The following SGCZ variants were observed in gnomAD, a reference collection of about 807,000 sequenced individuals.
SGCZ encodes the protein sarcoglycan zeta.
Under a neutral mutation model 41.3 loss-of-function variants are expected in SGCZ, and 40 were observed. That is an observed-to-expected ratio of 0.97 (90% CI 0.75 to 1.26). SGCZ has a LOEUF of 1.26. Among genes scored for constraint, SGCZ ranks in the 50% most tolerant of loss-of-function variants. SGCZ has a pLI of 0.00. For missense variants in SGCZ, 552 were observed against 369.8 expected, an observed-to-expected ratio of 1.49 and a Z score of -4.04; for synonymous variants, 206 against 137.5, an observed-to-expected ratio of 1.50 and a Z score of -3.49.
At chr8:14,382,903 C>T (rs1269544749) in intron 2 of SGCZ, among the ~76,000 whole-genome samples, 1 of 152,156 alleles carries the variant, frequency 6.6e-6, no homozygotes. Context: ...AGCTTTGGTA[C>T]TAGGTATAGT....
At chr8:14,769,226 A>T (rs1347888350) in intron 1 of SGCZ, among the ~76,000 whole-genome samples, 5 of 152,200 alleles carry the variant, frequency 3.3e-5, no homozygotes, top group African/African-American at 1.2e-4. Flanking sequence ...GATGTGAATA[A>T]AAAATAATGA....
chr8:14,883,787 T>TTG (rs1326648490), intron 1 of SGCZ, among the ~76,000 whole-genome samples: 1 of 151,104 alleles, frequency 6.6e-6, no homozygotes, highest in Non-Finnish European at 1.5e-5. Flanking sequence ...TTTTTTTTTT[T>TTG]TTTTTTTTTT....
chr8:14,607,268 C>T (rs1229188214), intron 1 of SGCZ, among the ~76,000 whole-genome samples: 1 of 152,046 alleles, frequency 6.6e-6, no homozygotes, highest in Non-Finnish European at 1.5e-5. Flanking sequence ...TATATTTGGC[C>T]TTCTTTCTTT....
intron 1 of SGCZ, among the ~76,000 whole-genome samples, chr8:14,769,155 T>C (rs1212900663): frequency 1.3e-5 from 2 of 151,930 alleles, no homozygotes; most frequent in African/African-American, 4.8e-5. Flanking sequence ...GAAAAACCTT[T>C]AGGGAGCGAG....
intron 1 of SGCZ, among the ~76,000 whole-genome samples, chr8:14,789,398 G>A (rs1167361479): frequency 6.6e-6 from 1 of 152,092 alleles, no homozygotes; most frequent in Non-Finnish European, 1.5e-5. Context: ...GACTGTAATG[G>A]ATCCCCAAGT....
intron 1 of SGCZ, among the ~76,000 whole-genome samples, chr8:14,725,654 A>G (rs1014063877): frequency 6.6e-6 from 1 of 152,208 alleles, no homozygotes; most frequent in Admixed American, 6.5e-5. Flanking sequence ...CACTATTACT[A>G]ACACCTACTT....
intron 5 of SGCZ, among the ~76,000 whole-genome samples, chr8:14,120,821 T>A (rs926580023): frequency 1.3e-5 from 2 of 152,132 alleles, no homozygotes; most frequent in Non-Finnish European, 1.5e-5. Context: ...TAACCATATG[T>A]AAGATTATCC....
intron 2 of SGCZ, among the ~76,000 whole-genome samples, chr8:14,419,087 C>A (rs1585483876): frequency 6.6e-6 from 1 of 151,896 alleles, no homozygotes; most frequent in African/African-American, 2.4e-5. Flanking sequence ...TAGGAACAGA[C>A]CTACAGCAAA....
chr8:14,315,332 G>T (rs564440447), intron 3 of SGCZ, among the ~76,000 whole-genome samples: 1 of 152,200 alleles, frequency 6.6e-6, no homozygotes, highest in African/African-American at 2.4e-5. Context: ...TGATTGCCTT[G>T]CTATAGGTTA....
At chr8:14,951,973 C>G (rs1281413478) in intron 1 of SGCZ, among the ~76,000 whole-genome samples, 1 of 151,986 alleles carries the variant, frequency 6.6e-6, no homozygotes, top group Non-Finnish European at 1.5e-5. Context: ...TTTATGAATT[C>G]ATTTGATGAG....
chr8:14,865,736 T>C (rs1046029206), intron 1 of SGCZ, among the ~76,000 whole-genome samples: 1 of 152,044 alleles, frequency 6.6e-6, no homozygotes, highest in East Asian at 1.9e-4. Context: ...CTAAAAGGAG[T>C]TGGGAGGCTT....
intron 1 of SGCZ, among the ~76,000 whole-genome samples, chr8:14,843,885 C>T (rs1391941967): frequency 1.3e-5 from 2 of 151,690 alleles, no homozygotes; most frequent in Non-Finnish European, 2.9e-5. Flanking sequence ...AAGAGAAGGC[C>T]ACCCAAATAT....
chr8:14,764,427 C>T (rs1249870210), intron 1 of SGCZ, among the ~76,000 whole-genome samples: 2 of 152,146 alleles, frequency 1.3e-5, no homozygotes, highest in African/African-American at 4.8e-5. Flanking sequence ...TCACACATGG[C>T]TTCTTCAATA....
At chr8:14,917,462 G>A (rs1339013806) in intron 1 of SGCZ, among the ~76,000 whole-genome samples, 1 of 151,888 alleles carries the variant, frequency 6.6e-6, no homozygotes, top group South Asian at 2.1e-4. Context: ...AAAATTACTG[G>A]GCAAGAGAGA....
At chr8:15,097,732 A>AT (rs1423634646) in intron 1 of SGCZ, among the ~76,000 whole-genome samples, 80 of 129,340 alleles carry the variant, frequency 6.2e-4, no homozygotes, top group Middle Eastern at 7.5e-3. Flanking sequence ...TTATAAAAAA[A>AT]AAAATATATA....
intron 4 of SGCZ, among the ~76,000 whole-genome samples, chr8:14,227,729 A>G (rs1053899225): frequency 1.3e-5 from 2 of 152,094 alleles, no homozygotes; most frequent in South Asian, 4.1e-4. Context: ...ACTTGGAAAC[A>G]GAAGAATAGC....
intron 1 of SGCZ, among the ~76,000 whole-genome samples, chr8:15,148,645 C>T (rs13250784): frequency 0.31 from 47,441 of 152,056 alleles, 9,295 homozygotes; most frequent in Non-Finnish European, 0.43. Context: ...ACTTATACTA[C>T]GGCTAATAGG....
chr8:14,592,380 T>A (rs545450086), intron 1 of SGCZ, among the ~76,000 whole-genome samples: 2 of 152,296 alleles, frequency 1.3e-5, no homozygotes, highest in South Asian at 4.1e-4. Flanking sequence ...TATAGTCCAA[T>A]GTATTTTCTA....
intron 1 of SGCZ, among the ~76,000 whole-genome samples, chr8:14,687,492 A>G (rs1016679512): frequency 3.3e-5 from 5 of 151,460 alleles, no homozygotes; most frequent in Non-Finnish European, 5.9e-5. Flanking sequence ...ATGATTTCCA[A>G]TTTCATCCAT....
Sources: gnomAD v4.1 joint callset for allele counts (sites outside exome capture counted in the v4.1 genomes callset) on GRCh38, gnomAD v4.1.1 for gene constraint, MANE v1.5 for transcripts, NCBI Gene and HGNC (gene_info 2026-07-23, HGNC 2026-07-21) for gene names.